PCGF3: variants seen among roughly 807,000 people sequenced by gnomAD.
PCGF3 encodes polycomb group RING finger protein 3.
Under a neutral mutation model 33.1 loss-of-function variants are expected in PCGF3, and 7 were observed. The ratio of observed to expected loss-of-function variants is 0.21; its 90% CI spans 0.12 to 0.40. The LOEUF is 0.40. PCGF3 is among the 10% of genes least tolerant of loss of function. The pLI is 1.00. For synonymous variants in PCGF3, 153 were observed against 121.3 expected (o/e 1.26, Z -1.72); for missense variants, 211 against 313.3 (o/e 0.67, Z 2.46).
chr4:735,566 A>G (rs1743790410), intron 5 of PCGF3, among the ~76,000 whole-genome samples: 1 of 152,240 alleles, frequency 6.6e-6, no homozygotes, highest in Admixed American at 6.5e-5. Flanking sequence ...AAAAATACTT[A>G]GTCAAGTTAA....
chr4:740,697 T>C (rs1744049388), intron 6 of PCGF3, among the ~76,000 whole-genome samples: 1 of 152,212 alleles, frequency 6.6e-6, no homozygotes, highest in African/African-American at 2.4e-5. Flanking sequence ...TTCTTTACAT[T>C]TTTAAATAGT....
chr4:737,244 T>A (rs191465628), intron 5 of PCGF3, among the ~76,000 whole-genome samples: 1 of 152,294 alleles, frequency 6.6e-6, no homozygotes, highest in East Asian at 1.9e-4. Context: ...TCTCTGTCAT[T>A]ATTTGAAATG....
intron 1 of PCGF3, among the ~76,000 whole-genome samples, chr4:719,598 G>A (rs1203809747): frequency 6.6e-6 from 1 of 152,282 alleles, no homozygotes; most frequent in African/African-American, 2.4e-5. Context: ...GGGAACAGGA[G>A]CGAGGCGTTT....
chr4:743,373 A>G, intron 6 of PCGF3, 101 bp from the exon 7 acceptor site: 3 of 703,910 alleles, frequency 4.3e-6, no homozygotes, highest in Non-Finnish European at 7.6e-6. Flanking sequence ...TTCAAACTTC[A>G]TAATGCAAAT....
intron 8 of PCGF3, among the ~76,000 whole-genome samples, chr4:752,650 G>A (rs899390): frequency 1.1e-4 from 17 of 151,998 alleles, no homozygotes; most frequent in Admixed American, 3.3e-4. Flanking sequence ...GGGGGTGGGG[G>A]GCCATGCAGT....
intron 8 of PCGF3, chr4:756,917 A>G (rs1744795107): frequency 1.3e-5 from 2 of 152,250 alleles, no homozygotes; most frequent in Admixed American, 6.5e-5. Flanking sequence ...ATTGCATTAT[A>G]TACATAAAAG....
chr4:742,601 G>C (rs1744142769), intron 6 of PCGF3, among the ~76,000 whole-genome samples: 1 of 152,194 alleles, frequency 6.6e-6, no homozygotes, highest in South Asian at 2.1e-4. Flanking sequence ...ACCCTTAGGG[G>C]GCCTTTGCCG....
At chr4:743,737 G>A (rs1244460478) in intron 7 of PCGF3, 153 bp downstream of exon 7, 3 of 580,356 alleles carry the variant, frequency 5.2e-6, no homozygotes, top group East Asian at 2.9e-5. Context: ...GGTTCAAGGC[G>A]TTCCTCCTCA....
At chr4:731,244 G>A in intron 3 of PCGF3, 134 bp downstream of exon 3, 1 of 398,380 alleles carries the variant, frequency 2.5e-6, no homozygotes, top group African/African-American at 2.1e-5. Context: ...GTTCACTGCC[G>A]AGTTTTCCTG....
intron 3 of PCGF3, among the ~76,000 whole-genome samples, chr4:732,854 G>T (rs1166180859): frequency 1.3e-5 from 2 of 152,236 alleles, no homozygotes; most frequent in Non-Finnish European, 2.9e-5. Flanking sequence ...CGCACGCGGA[G>T]CGGCCCTGCT....
chr4:744,238 A>G (rs1424330142), intron 7 of PCGF3, among the ~76,000 whole-genome samples: 1 of 152,206 alleles, frequency 6.6e-6, no homozygotes, highest in Admixed American at 6.5e-5. Flanking sequence ...GAAACAGTGG[A>G]TTTTTAGGAG....
chr4:768,934 G>A (rs1745498813), exon 11 of PCGF3: 1 of 152,646 alleles, frequency 6.6e-6, no homozygotes, highest in Admixed American at 6.5e-5. Context: ...CTGTTTAAAT[G>A]GTAATGTAGC....
intron 6 of PCGF3, 82 bp downstream of exon 6, chr4:737,603 G>T: frequency 1.2e-6 from 1 of 851,692 alleles, no homozygotes; most frequent in South Asian, 1.4e-5. Flanking sequence ...TTTGGTTCTC[G>T]GATGGGAGGC....
chr4:743,087 T>C (rs995705437), intron 6 of PCGF3, among the ~76,000 whole-genome samples: 3 of 152,180 alleles, frequency 2.0e-5, no homozygotes, highest in Non-Finnish European at 4.4e-5. Flanking sequence ...TCAGCAATGA[T>C]GTCTGGCATG....
intron 6 of PCGF3, among the ~76,000 whole-genome samples, chr4:740,701 A>G (rs140260007): frequency 1.3e-5 from 2 of 152,346 alleles, no homozygotes; most frequent in East Asian, 3.8e-4. Context: ...TTACATTTTT[A>G]AATAGTTGGA....
Position 711,443 on chromosome 4 carries a change from C to CTTTTTTTT in PCGF3, c.-190+5476_-190+5483dup, listed in dbSNP as rs201359627. On this transcript the variant is annotated intron_variant, in intron 1 of 10. Transcript: ENST00000362003. ...AATTGAAGTTGAAAATGTAATTTTT[C>CTTTTTTTT]TTTTTTTTTTCTTTTTTTTTTTTTT... Among the ~76,000 whole-genome samples, 24 of 122,932 alleles carry CTTTTTTTT rather than the reference C, an allele frequency of 2.0e-4. 1 individual carries two copies. Among genetic ancestry groups the CTTTTTTTT allele is most frequent in the African/African-American group, 2.6e-4 (9 of 35,192 alleles). The allele number at this position is 122,932 out of a possible 152,430, so 80.6% of individuals were successfully genotyped here. A position where few individuals can be genotyped will look rare whatever the true frequency, so the allele number is the denominator to read the frequency against.
intron 8 of PCGF3, among the ~76,000 whole-genome samples, chr4:755,989 C>T (rs570926690): frequency 2.2e-4 from 32 of 146,658 alleles, no homozygotes; most frequent in East Asian, 1.0e-3. Context: ...CTTGGCTCAC[C>T]GCAACCTCCA....
chr4:729,690 C>T (rs1386713939), intron 1 of PCGF3, among the ~76,000 whole-genome samples: 2 of 152,208 alleles, frequency 1.3e-5, no homozygotes, highest in African/African-American at 2.4e-5. Flanking sequence ...TCTTTCCCTT[C>T]TTCCTCCCTT....
chr4:714,680 G>T (rs1468951534), intron 1 of PCGF3, among the ~76,000 whole-genome samples: 3 of 152,128 alleles, frequency 2.0e-5, no homozygotes. Flanking sequence ...GACCGGGCTC[G>T]CATCCTTCCC....
Sources: gnomAD v4.1 joint callset for allele counts (sites outside exome capture counted in the v4.1 genomes callset) on GRCh38, gnomAD v4.1.1 for gene constraint, MANE v1.5 for transcripts, NCBI Gene and HGNC (gene_info 2026-07-23, HGNC 2026-07-21) for gene names.